The following RIMBP2 variants were observed in gnomAD, a reference collection of about 807,000 sequenced individuals.
RIMBP2 encodes the protein RIMS-binding protein 2.
Under a neutral mutation model 118.6 loss-of-function variants are expected in RIMBP2, and 48 were observed. The observed-to-expected ratio is 0.40, with a 90% CI of 0.32 to 0.51. RIMBP2 has a LOEUF of 0.51. Ranked by LOEUF, RIMBP2 falls within the 20% of genes least tolerant of loss-of-function variation. RIMBP2 has a pLI of 0.41. For missense variants in RIMBP2, 1,551 were observed against 1,768.3 expected, an observed-to-expected ratio of 0.88 and a Z score of 2.20; for synonymous variants, 762 against 742.9, an observed-to-expected ratio of 1.03 and a Z score of -0.42.
chr12:130,498,721 C>A (rs1346324666), intron 4 of RIMBP2, among the ~76,000 whole-genome samples: 1 of 152,088 alleles, frequency 6.6e-6, no homozygotes, highest in South Asian at 2.1e-4. Flanking sequence ...TGGCCTGCCC[C>A]CTCTCTTCCA....
At chr12:130,640,696 C>T (rs2062577812) in intron 1 of RIMBP2, among the ~76,000 whole-genome samples, 1 of 152,198 alleles carries the variant, frequency 6.6e-6, no homozygotes, top group Non-Finnish European at 1.5e-5. Flanking sequence ...GGTCCTACAG[C>T]TTGAAAGACA....
In RIMBP2 at chr12:130,424,479, C is replaced by T. The variant is rs926388761; in HGVS notation, c.2792G>A (p.Arg931Gln). 1.9e-5 allele frequency: 24 copies of T among 1,232,036 alleles called. No individual in the cohort carries two copies. The highest frequency in any genetic ancestry group is 3.1e-4 in the Middle Eastern group (1 of 3,230). 76.3% of individuals were successfully genotyped at this position (1,232,036 alleles called of 1,614,324 possible). A position where few individuals can be genotyped will look rare whatever the true frequency, so the allele number is the denominator to read the frequency against. Residue 931 changes from arginine to glutamine, a missense_variant, in exon 16 of 23, where the codon CGG becomes CAG. Around this residue, in one of 5 missense-constraint regions of RIMBP2, gnomAD observed 1,038 missense variants for 1,125.1 expected, o/e 0.92. Transcript: ENST00000690449. This position sits in a 1 kb window ranked among gnomAD's most constrained non-coding sequence, Gnocchi z 9.8. Reference protein sequence around the residue: ...LDCGSEEDESRFGFGNTVAAC... With the variant: ...LDCGSEEDESQFGFGNTVAAC... ...GGCCACGGTGTTTCCGAAGCCAAAC[C>T]GCGACTCGTCCTCTTCACTCCCACA...
intron 2 of RIMBP2, among the ~76,000 whole-genome samples, chr12:130,522,726 G>A (rs1018929746): frequency 2.6e-5 from 4 of 152,096 alleles, no homozygotes; most frequent in African/African-American, 9.7e-5. Context: ...AGGAGGAGGT[G>A]GGTTTCCACG....
intron 1 of RIMBP2, among the ~76,000 whole-genome samples, chr12:130,691,900 G>C (rs1030681812): frequency 1.3e-5 from 2 of 152,190 alleles, no homozygotes; most frequent in Non-Finnish European, 2.9e-5. Context: ...TGGGTGGTTA[G>C]AGCGGGTCTG....
intron 1 of RIMBP2, among the ~76,000 whole-genome samples, chr12:130,664,378 CGCACGCGCAT>C (rs1351910481): frequency 1.4e-5 from 2 of 144,376 alleles, no homozygotes; most frequent in Admixed American, 7.1e-5. Context: ...CGTGCATGCA[CGCACGCGCAT>C]GCACACACAC....
chr12:130,675,312 G>A (rs1256720242), intron 1 of RIMBP2, among the ~76,000 whole-genome samples: 3 of 152,126 alleles, frequency 2.0e-5, no homozygotes, highest in East Asian at 1.9e-4. Context: ...TCCTCGTCCT[G>A]CTCCACACAG....
At chr12:130,517,952 C>T in intron 2 of RIMBP2, 35 bp from the exon 3 acceptor site, 1 of 892,320 alleles carries the variant, frequency 1.1e-6, no homozygotes. Flanking sequence ...GAGATGGTGC[C>T]CCCATGTTTA....
At chr12:130,464,289 G>A (rs928622136) in intron 6 of RIMBP2, among the ~76,000 whole-genome samples, 14 of 152,324 alleles carry the variant, frequency 9.2e-5, no homozygotes, top group African/African-American at 2.6e-4. Flanking sequence ...GGTCTGGATC[G>A]AGGCTGCTTT....
chr12:130,405,671 AGGGGTGGGGGC>A (rs1196591954), intron 21 of RIMBP2, among the ~76,000 whole-genome samples: 1 of 103,736 alleles, frequency 9.6e-6, no homozygotes, highest in Non-Finnish European at 2.0e-5. Flanking sequence ...ACCAGCAGCA[AGGGGTGGGGGC>A]GGGGTGGGGG....
intron 2 of RIMBP2, among the ~76,000 whole-genome samples, chr12:130,614,560 A>C (rs1239333866): frequency 6.6e-6 from 1 of 152,194 alleles, no homozygotes; most frequent in African/African-American, 2.4e-5. Flanking sequence ...AAAAGCATAG[A>C]CAAATTCTGA....
chr12:130,538,462 G>C (rs2054269507), intron 2 of RIMBP2, among the ~76,000 whole-genome samples: 1 of 151,956 alleles, frequency 6.6e-6, no homozygotes, highest in Non-Finnish European at 1.5e-5. Context: ...AGATCACACA[G>C]AGAATCCCCG....
At chr12:130,584,714 A>AAAT (rs2058761017) in intron 2 of RIMBP2, among the ~76,000 whole-genome samples, 2 of 61,292 alleles carry the variant, frequency 3.3e-5, no homozygotes, top group Non-Finnish European at 1.1e-4. Context: ...CACAACCATT[A>AAAT]CATCATCACT....
At chr12:130,414,004 T>C (rs2075934396) in intron 18 of RIMBP2, 121 bp downstream of exon 18, 5 of 1,075,560 alleles carry the variant, frequency 4.6e-6, no homozygotes, top group Non-Finnish European at 6.9e-6. Context: ...CTCCCGTGCC[T>C]CGCCCATGGC....
rs2079451916 is a variant in RIMBP2, at chr12:130,456,487, G to A, written c.358+9C>T. On this transcript the variant is annotated intron_variant, in intron 7 of 22. Transcript: ENST00000690449. Reference sequence around the variant, plus strand: ...CACCACAGCCAAGGCGGAAGGTCCAGGCGCTTACCTTTGCCGAGGGAGGTG... The same window carrying A: ...CACCACAGCCAAGGCGGAAGGTCCAAGCGCTTACCTTTGCCGAGGGAGGTG... 7 of 1,572,226 alleles carry A rather than the reference G, an allele frequency of 4.5e-6. No individual in the cohort carries two copies. Among genetic ancestry groups the A allele is most frequent in the Non-Finnish European group, 5.2e-6 (6 of 1,154,026 alleles).
chr12:130,684,001 GGAGA>G (rs1167042407), intron 1 of RIMBP2, among the ~76,000 whole-genome samples: 2 of 152,130 alleles, frequency 1.3e-5, no homozygotes, highest in African/African-American at 4.8e-5. Flanking sequence ...TCCAGATCCA[GGAGA>G]GAATCAACTA....
intron 1 of RIMBP2, among the ~76,000 whole-genome samples, chr12:130,685,538 T>C (rs1028408139): frequency 1.3e-5 from 2 of 152,058 alleles, no homozygotes; most frequent in African/African-American, 2.4e-5. Context: ...TCTCTGCCCC[T>C]GGAAGACTGA....
At chr12:130,411,087 T>A (rs1004586888) in intron 19 of RIMBP2, among the ~76,000 whole-genome samples, 1 of 152,220 alleles carries the variant, frequency 6.6e-6, no homozygotes, top group East Asian at 1.9e-4. Context: ...TGCTAAGTAG[T>A]TCATGTTTTG....
intron 6 of RIMBP2, among the ~76,000 whole-genome samples, chr12:130,467,913 C>T (rs1000389589): frequency 6.6e-6 from 1 of 152,198 alleles, no homozygotes; most frequent in African/African-American, 2.4e-5. Flanking sequence ...ATCTCAGACA[C>T]CTTTGGTTCT....
intron 1 of RIMBP2, among the ~76,000 whole-genome samples, chr12:130,687,447 G>A (rs970625915): frequency 9.9e-5 from 15 of 152,230 alleles, no homozygotes; most frequent in African/African-American, 3.6e-4. Context: ...GTTTCTGCAC[G>A]TTTCACTGTA....
Sources: gnomAD v4.1 joint callset for allele counts (sites outside exome capture counted in the v4.1 genomes callset) on GRCh38, gnomAD v4.1.1 for gene constraint, gnomAD v4.1.1 regional missense constraint, Gnocchi (gnomAD v3.1) non-coding constraint, MANE v1.5 for transcripts, NCBI Gene and HGNC (gene_info 2026-07-23, HGNC 2026-07-21) for gene names.